Variants in LYST observed in about 807,000 individuals in gnomAD.
LYST encodes lysosomal trafficking regulator.
Under a neutral mutation model 413.6 loss-of-function variants are expected in LYST, and 192 were observed. The ratio of observed to expected loss-of-function variants is 0.46; its 90% confidence interval spans 0.41 to 0.52. The LOEUF is 0.52. Among genes scored for constraint, LYST ranks in the 20% least tolerant of loss-of-function variants. LYST has a pLI of 0.00. For synonymous variants in LYST, 1,525 were observed against 1,567.3 expected (o/e 0.97, Z 0.64); for missense variants, 3,815 against 4,499.9 (o/e 0.85, Z 4.35).
chr1:235,720,845 C>T lies in LYST; in HGVS notation c.9376G>A (p.Gly3126Ser). 1 of 1,613,490 alleles carries T rather than the reference C, an allele frequency of 6.2e-7. No individual in the cohort carries two copies. The highest frequency in any genetic ancestry group is 8.5e-7 in the Non-Finnish European group (1 of 1,179,522). The change falls in exon 40 of 53, where the codon GGT becomes AGT. Residue 3126 changes from glycine (G) to serine (S), a missense_variant. By Grantham distance (56) the Gly-to-Ser change is moderately conservative. Around this residue, in one of 4 missense-constraint regions of LYST, gnomAD observed 866 missense variants for 1,156.0 expected, o/e 0.75. Coordinates refer to ENST00000389793, the MANE Select transcript of LYST (RefSeq NM_000081.4). ...AAATTTGTCAGAGCGGTGATGTTACCATATTCCAGAAGATTAGGGAGGTTA... is the reference window on the plus strand; with the variant it reads ...AAATTTGTCAGAGCGGTGATGTTACTATATTCCAGAAGATTAGGGAGGTTA... ...TNNLPNLLEYGNITALTNLWY... is the reference protein window; with the variant it reads ...TNNLPNLLEYSNITALTNLWY...
At chr1:235,793,334 T>C (rs1207743254) in intron 11 of LYST, among the ~76,000 whole-genome samples, 169 bp downstream of exon 11, 5 of 152,218 alleles carry the variant, frequency 3.3e-5, no homozygotes, top group Admixed American at 1.3e-4. Flanking sequence ...TTAAAATATA[T>C]GCAAATAATT....
chr1:235,764,233 T>C (rs544424279), intron 21 of LYST, among the ~76,000 whole-genome samples: 143 of 152,284 alleles, frequency 9.4e-4, no homozygotes, highest in African/African-American at 3.3e-3. Context: ...ACAAAAATGT[T>C]GACTGCCTTA....
At chr1:235,682,873 G>C (rs755900129) in intron 48 of LYST, among the ~76,000 whole-genome samples, 31 of 152,306 alleles carry the variant, frequency 2.0e-4, no homozygotes, top group Non-Finnish European at 3.4e-4. Flanking sequence ...ACTGAGTACA[G>C]ATTAGTGAGT....
At position 235,746,386 on chromosome 1, in the gene LYST, T is replaced by C; in HGVS notation, c.7922A>G (p.Gln2641Arg). 3 of 1,614,034 alleles carry C rather than the reference T, an allele frequency of 1.9e-6. No individual in the cohort carries two copies. Among genetic ancestry groups the C allele is most frequent in the African/African-American group, 1.3e-5 (1 of 75,030 alleles). ...TAAAACAGTGAGCCTCTGTAGTCTC[T>C]GCGCAAGTTCCGTTTCAGTTGCTTG... ...PSQATETELA[Q>R]RLQRLTVLAV... Residue 2641 changes from glutamine (Q) to arginine (R), a missense_variant, in exon 29 of 53, where the codon CAG becomes CGG. Physicochemically the swap from Gln to Arg is conservative, Grantham distance 43. This residue lies in a region of LYST where 771 missense variants were observed against 837.1 expected (regional missense o/e 0.92). Coordinates refer to ENST00000389793, the MANE Select transcript of LYST (RefSeq NM_000081.4).
chr1:235,712,840 A>G, intron 42 of LYST: 1 of 985,144 alleles, frequency 1.0e-6, no homozygotes, highest in Non-Finnish European at 1.2e-6. Context: ...TATTAATAAT[A>G]AAGAATTAAG....
At position 235,702,982 on chromosome 1, in the gene LYST, A is replaced by G. The variant is rs1328034220; in HGVS notation, c.10144-5T>C. On this transcript the variant is annotated splice_polypyrimidine_tract_variant and splice_region_variant and intron_variant, in intron 44 of 52. Coordinates refer to ENST00000389793, the MANE Select transcript of LYST (RefSeq NM_000081.4). The stretch of plus-strand genomic sequence containing the variant: ...GACATCCATTCCAAAATATGTCTGC[A>G]GAGTGAAAGAGTAAAGGAACAAGAC... 3 of 1,582,778 alleles carry G rather than the reference A, an allele frequency of 1.9e-6. No individual in the cohort carries two copies. The highest frequency in any genetic ancestry group is 2.6e-6 in the Non-Finnish European group (3 of 1,151,378).
At chr1:235,708,955 C>T (rs1662196087) in intron 44 of LYST, 136 bp downstream of exon 44, 1 of 768,062 alleles carries the variant, frequency 1.3e-6, no homozygotes, top group South Asian at 1.6e-5. Context: ...CCTGAAAAAT[C>T]TTAGGTGACA....
intron 10 of LYST, among the ~76,000 whole-genome samples, chr1:235,795,939 T>TTA (rs1479882110): frequency 6.6e-6 from 1 of 151,974 alleles, no homozygotes; most frequent in Admixed American, 6.6e-5. Context: ...TATTATATCC[T>TTA]TATATGAAAA....
chr1:235,824,368 T>C (rs888898357), intron 3 of LYST, among the ~76,000 whole-genome samples: 3 of 152,216 alleles, frequency 2.0e-5, no homozygotes, highest in Non-Finnish European at 2.9e-5. Context: ...ATGTTGGCAA[T>C]AGGGCATAGA....
At chr1:235,752,983 A>G in intron 26 of LYST, 61 bp downstream of exon 26, 1 of 924,198 alleles carries the variant, frequency 1.1e-6, no homozygotes, top group South Asian at 1.4e-5. Flanking sequence ...AACTAATACT[A>G]AAGTTTTCCT....
At position 235,712,791 on chromosome 1, in the gene LYST, CAT is replaced by C. The variant is rs1444970094; in HGVS notation, c.9785-596_9785-595del. ...TCCTGTGAATGAAAATAAAAATAAGCATAGTCACTCTTTCGTTCATTTTTTTT... is the reference window on the plus strand; with the variant it reads ...TCCTGTGAATGAAAATAAAAATAAGCAGTCACTCTTTCGTTCATTTTTTTT... On this transcript the variant is annotated intron_variant, in intron 42 of 52. Coordinates refer to ENST00000389793, the MANE Select transcript of LYST (RefSeq NM_000081.4). The C allele has an allele frequency of 7.1e-6, 7 of 984,438 alleles. No homozygotes were observed. The African/African-American group carries it at 1.0e-4, about 15-fold the overall frequency. 61.0% of individuals were successfully genotyped at this position (984,438 alleles called of 1,614,324 possible).
chr1:235,778,888 CAG>C (rs1409831725), intron 16 of LYST, among the ~76,000 whole-genome samples: 2 of 150,160 alleles, frequency 1.3e-5, no homozygotes, highest in African/African-American at 4.9e-5. Flanking sequence ...TTTTTTGAGA[CAG>C]AGTTTGACTC....
At chr1:235,788,632 C>T (rs1670677105) in intron 13 of LYST, 69 bp downstream of exon 13, 2 of 1,465,690 alleles carry the variant, frequency 1.4e-6, no homozygotes, top group South Asian at 2.3e-5. Flanking sequence ...GTAGATTTCA[C>T]ATTAATGTCT....
chr1:235,877,212 C>T (rs1310285175), intron 1 of LYST, among the ~76,000 whole-genome samples: 1 of 152,150 alleles, frequency 6.6e-6, no homozygotes, highest in Non-Finnish European at 1.5e-5. Context: ...TGGCCCTGTC[C>T]CGCTATCAAG....
In LYST at chr1:235,686,852, T is replaced by C. The variant is rs1426267361; in HGVS notation, c.10800+97A>G. The C allele has an allele frequency of 4.4e-6, 4 of 913,100 alleles. No individual in the cohort carries two copies. The highest frequency in any genetic ancestry group is 1.8e-6 in the Non-Finnish European group (1 of 541,626). The allele number at this position is 913,100 out of a possible 1,614,324, so 56.6% of individuals were successfully genotyped here. On this transcript the variant is annotated intron_variant, in intron 48 of 52. Transcript: ENST00000389793. This position sits in a 1 kb window ranked among gnomAD's most constrained non-coding sequence, Gnocchi z 4.0. ...GGAGAAGATTAAGGTATAAACATTT[T>C]AAGTTAATCTTATGCAAAGTGAATT...
chr1:235,848,751 T>C (rs1374361709), intron 1 of LYST, among the ~76,000 whole-genome samples: 3 of 151,960 alleles, frequency 2.0e-5, no homozygotes. Context: ...ACGAATACAT[T>C]TACAGACATA....
intron 50 of LYST, among the ~76,000 whole-genome samples, chr1:235,667,953 G>A (rs1658633657): frequency 6.6e-6 from 1 of 151,966 alleles, no homozygotes; most frequent in Non-Finnish European, 1.5e-5. Context: ...TAGCCACCGT[G>A]CCTGGCCTCC....
intron 48 of LYST, among the ~76,000 whole-genome samples, chr1:235,679,107 A>G (rs1315199191): frequency 1.3e-5 from 2 of 152,234 alleles, no homozygotes; most frequent in African/African-American, 4.8e-5. Context: ...AACTGGCTTG[A>G]GCTGTGTAGC....
intron 47 of LYST, among the ~76,000 whole-genome samples, chr1:235,690,496 C>G (rs1660561302): frequency 6.6e-6 from 1 of 152,050 alleles, no homozygotes; most frequent in Admixed American, 6.6e-5. Flanking sequence ...GTTAATGCAG[C>G]CTGATGTTTC....
Sources: gnomAD v4.1 joint callset for allele counts (sites outside exome capture counted in the v4.1 genomes callset) on GRCh38, gnomAD v4.1.1 for gene constraint, gnomAD v4.1.1 regional missense constraint, Gnocchi (gnomAD v3.1) non-coding constraint, MANE v1.5 for transcripts, NCBI Gene and HGNC (gene_info 2026-07-23, HGNC 2026-07-21) for gene names.